MAST4: variants seen among roughly 807,000 people sequenced by gnomAD.
MAST4 encodes microtubule-associated serine/threonine-protein kinase 4.
A neutral mutation model predicts 162.7 loss-of-function variants in MAST4; 89 were observed. That is an observed-to-expected ratio of 0.55 (90% confidence interval 0.46 to 0.65). MAST4 has a LOEUF of 0.65. Ranked by LOEUF, MAST4 falls within the 30% of genes least tolerant of loss-of-function variation. The pLI is 0.00. For synonymous variants in MAST4, 1,479 were observed against 1,361.1 expected, an observed-to-expected ratio of 1.09 and a Z score of -1.91; for missense variants, 3,153 against 3,374.0, an observed-to-expected ratio of 0.93 and a Z score of 1.62.
chr5:66,893,556 A>G (rs1473633204), intron 3 of MAST4, among the ~76,000 whole-genome samples: 2 of 152,222 alleles, frequency 1.3e-5, no homozygotes. Context: ...CTTGACTAGC[A>G]CAAATAAATA....
chr5:66,852,814 G>A (rs1759410276), intron 3 of MAST4, among the ~76,000 whole-genome samples: 1 of 152,212 alleles, frequency 6.6e-6, no homozygotes, highest in Non-Finnish European at 1.5e-5. Context: ...CTAATGAAAT[G>A]TAAACTATCT....
At position 66,740,255 on chromosome 5, in the gene MAST4, ATGT is replaced by A. The variant is rs200164065; in HGVS notation, c.364-19450_364-19448del. ...AGGCTGGTGGAAGGCAGCAGAGAAC[ATGT>A]TGTGAGGCAGGAAAGATTAGGAAGT... On this transcript the variant is annotated intron_variant, in intron 1 of 28. Transcript: ENST00000403625. Among the ~76,000 whole-genome samples the A allele has an allele frequency of 4.4e-3, 663 of 152,328 alleles. 4 individuals are homozygous for A. The highest frequency in any genetic ancestry group is 0.015 in the African/African-American group (620 of 41,562).
chr5:66,892,399 C>T (rs1762416241), intron 3 of MAST4, among the ~76,000 whole-genome samples: 2 of 152,154 alleles, frequency 1.3e-5, no homozygotes, highest in African/African-American at 4.8e-5. Context: ...AGTCCTTTCT[C>T]CCCAGTGTCT....
At chr5:66,903,515 T>C (rs2149988934) in intron 4 of MAST4, among the ~76,000 whole-genome samples, 1 of 152,154 alleles carries the variant, frequency 6.6e-6, no homozygotes, top group African/African-American at 2.4e-5. Context: ...CAAATAAATA[T>C]GATTTGACAA....
At chr5:66,601,771 T>C (rs1742568268) in intron 1 of MAST4, among the ~76,000 whole-genome samples, 1 of 152,146 alleles carries the variant, frequency 6.6e-6, no homozygotes. Flanking sequence ...GACTTTATTC[T>C]AGAGGCAATG....
At chr5:66,809,908 G>A (rs529432885) in intron 3 of MAST4, among the ~76,000 whole-genome samples, 1 of 152,238 alleles carries the variant, frequency 6.6e-6, no homozygotes, top group Admixed American at 6.5e-5. Context: ...GGTAATTTTT[G>A]TATTTTTAGT....
chr5:67,162,432 C>G (rs1021663899), intron 27 of MAST4, among the ~76,000 whole-genome samples, 175 bp from the exon 28 acceptor site: 2 of 152,144 alleles, frequency 1.3e-5, no homozygotes, highest in African/African-American at 4.8e-5. Context: ...AATACTCTTC[C>G]TTTACATGTC....
chr5:66,627,091 C>T (rs1046318576), intron 1 of MAST4, among the ~76,000 whole-genome samples: 3 of 152,186 alleles, frequency 2.0e-5, no homozygotes, highest in African/African-American at 7.2e-5. Flanking sequence ...GCTTAATTGA[C>T]TCACAGTTCA....
At chr5:66,642,172 G>A (rs1258699200) in intron 1 of MAST4, among the ~76,000 whole-genome samples, 2 of 152,140 alleles carry the variant, frequency 1.3e-5, no homozygotes, top group Admixed American at 6.5e-5. Flanking sequence ...ATCTAATTCT[G>A]TTCAAGTCTC....
rs115217956 is a variant in MAST4 at position 66,958,815 on chromosome 5, G to A, written c.674+58833G>A. The A allele has an allele frequency of 4.2e-3, 681 of 163,946 alleles. 3 individuals carry two copies. The highest frequency in any genetic ancestry group is 4.7e-3 in the Non-Finnish European group (350 of 74,510). The allele number at this position is 163,946 out of a possible 1,614,324, so 10.2% of individuals were successfully genotyped here. ...TATTCGAGAGCATCACAGGGAGGTG[G>A]GGAATAGTTGACGTGTGCTGAGATA... On this transcript the variant is annotated intron_variant, in intron 4 of 28. Coordinates refer to ENST00000403625, the MANE Select transcript of MAST4 (RefSeq NM_001164664.2).
Position 67,131,966 on chromosome 5 carries a change from G to T in MAST4, c.2093+15G>T, listed in dbSNP as rs1384267165. ...AAACCAGACAAGTATGTACACAAAT[G>T]AAATATATGTCTTCTTTTGCCCAAT... On this transcript the variant is annotated intron_variant, in intron 16 of 28. Coordinates refer to ENST00000403625, the MANE Select transcript of MAST4 (RefSeq NM_001164664.2). The T allele has an allele frequency of 6.2e-7, 1 of 1,606,864 alleles. No homozygotes were observed. Among genetic ancestry groups the T allele is most frequent in the Non-Finnish European group, 8.5e-7 (1 of 1,175,972 alleles).
chr5:67,024,262 A>G (rs971622885), intron 4 of MAST4, among the ~76,000 whole-genome samples: 3 of 151,086 alleles, frequency 2.0e-5, no homozygotes, highest in South Asian at 4.2e-4. Flanking sequence ...GCTGAACAGT[A>G]TTCCATCCAC....
intron 3 of MAST4, among the ~76,000 whole-genome samples, chr5:66,855,127 G>C (rs1384550084): frequency 1.3e-5 from 2 of 152,216 alleles, no homozygotes; most frequent in African/African-American, 4.8e-5. Context: ...AGCGTTGGAG[G>C]TGGGCCCTGG....
At chr5:66,618,034 G>GGGGC (rs1554035639) in intron 1 of MAST4, among the ~76,000 whole-genome samples, 1 of 122,952 alleles carries the variant, frequency 8.1e-6, no homozygotes, top group Non-Finnish European at 1.7e-5. Context: ...TGGGAGGAAT[G>GGGGC]GGGGGGGGGC....
At chr5:66,765,222 A>G (rs965630059) in intron 2 of MAST4, among the ~76,000 whole-genome samples, 5 of 152,188 alleles carry the variant, frequency 3.3e-5, no homozygotes, top group African/African-American at 1.2e-4. Context: ...AGCATTTCTC[A>G]GAATGTATAC....
intron 3 of MAST4, among the ~76,000 whole-genome samples, chr5:66,834,318 C>T (rs144896145): frequency 5.9e-5 from 9 of 152,234 alleles, no homozygotes; most frequent in Admixed American, 1.3e-4. Context: ...CCCGGAGACG[C>T]GAAGACGTGA....
chr5:66,612,259 G>A (rs1268761823), intron 1 of MAST4, among the ~76,000 whole-genome samples: 1 of 152,210 alleles, frequency 6.6e-6, no homozygotes, highest in African/African-American at 2.4e-5. Context: ...CTGAAGGGCA[G>A]AAAAGGAGGA....
At chr5:66,700,104 C>T (rs887750330) in intron 1 of MAST4, among the ~76,000 whole-genome samples, 1 of 152,204 alleles carries the variant, frequency 6.6e-6, no homozygotes, top group African/African-American at 2.4e-5. Context: ...GCCTCTATTT[C>T]CCTCCCCTTC....
chr5:66,943,579 AT>A (rs1656586812), intron 4 of MAST4, among the ~76,000 whole-genome samples: 2 of 152,138 alleles, frequency 1.3e-5, no homozygotes, highest in African/African-American at 4.8e-5. Context: ...CAACAGGCTC[AT>A]TTGTTTAATG....
Sources: allele counts gnomAD v4.1 joint callset (sites outside exome capture counted in the v4.1 genomes callset), GRCh38; gene constraint gnomAD v4.1.1; transcripts MANE v1.5; gene names NCBI Gene and HGNC (gene_info 2026-07-23, HGNC 2026-07-21).